Variants in TSHR observed in about 807,000 individuals in gnomAD.
TSHR encodes thyrotropin receptor.
In TSHR, 51 loss-of-function variants were observed where a neutral mutation model predicts 64.1. The observed-to-expected ratio is 0.80, with a 90% CI of 0.64 to 1.01. The LOEUF (loss-of-function observed/expected upper bound fraction) is 1.01, where lower values mean the gene tolerates loss of function less well. Ranked by LOEUF, TSHR falls within the 50% of genes least tolerant of loss-of-function variation. The pLI, the probability that TSHR is intolerant of heterozygous loss-of-function variation, is 0.00. For missense variants in TSHR, 877 were observed against 942.8 expected (o/e 0.93, Z 0.91); for synonymous variants, 361 against 361.9 (o/e 1.00, Z 0.03).
intron 4 of TSHR, among the ~76,000 whole-genome samples, chr14:81,089,123 G>A (rs113813419): frequency 0.031 from 4,590 of 149,442 alleles, 232 homozygotes; most frequent in African/African-American, 0.11. Context: ...GAGTAGCTGG[G>A]ATTACAGGTG....
intron 8 of TSHR, chr14:81,108,912 G>T: frequency 1.4e-6 from 2 of 1,412,326 alleles, no homozygotes; most frequent in Non-Finnish European, 1.8e-6. Flanking sequence ...CATGGGGAAA[G>T]ATGGAATAAA....
chr14:81,063,667 AGC>A (rs1262396315), intron 2 of TSHR, among the ~76,000 whole-genome samples: 1 of 152,148 alleles, frequency 6.6e-6, no homozygotes, highest in African/African-American at 2.4e-5. Flanking sequence ...ATATTTATTG[AGC>A]CCTACTTTGT....
Position 81,068,222 on chromosome 14 carries a change from T to C in TSHR, c.243-32T>C, listed in dbSNP as rs1434721115. On this transcript the variant is annotated intron_variant, in intron 2 of 9. Transcript: ENST00000298171. ...TTGAAGTTTACAACCTTACTAACTT[T>C]CTACTTTGTCTTATATTTTTCTGAC... 6 of 1,606,388 alleles carry C rather than the reference T, an allele frequency of 3.7e-6. No individual in the cohort carries two copies. In the African/African-American group the frequency reaches 6.7e-5, roughly 18 times the overall value.
At chr14:81,142,237 C>T (rs1347033018) in intron 9 of TSHR, among the ~76,000 whole-genome samples, 2 of 152,140 alleles carry the variant, frequency 1.3e-5, no homozygotes, top group Admixed American at 1.3e-4. Context: ...CGTGCCACTA[C>T]GCCTGGCTAA....
intron 7 of TSHR, among the ~76,000 whole-genome samples, chr14:81,099,803 C>G (rs1258773813): frequency 6.6e-6 from 1 of 152,204 alleles, no homozygotes; most frequent in African/African-American, 2.4e-5. Context: ...AAACATCTCA[C>G]TCCTCCTCAT....
chr14:81,049,977 C>A (rs1163490742), intron 1 of TSHR: 2 of 152,092 alleles, frequency 1.3e-5, no homozygotes, highest in East Asian at 3.8e-4. Context: ...TATAGCAGTA[C>A]AAAAACAGAC....
chr14:80,985,205 G>A (rs1246660334), intron 1 of TSHR, among the ~76,000 whole-genome samples: 2 of 152,200 alleles, frequency 1.3e-5, no homozygotes, highest in Non-Finnish European at 2.9e-5. Flanking sequence ...GGCGGAGATC[G>A]CGCCACTGCA....
At chr14:81,064,369 T>C (rs1886453659) in intron 2 of TSHR, among the ~76,000 whole-genome samples, 2 of 152,188 alleles carry the variant, frequency 1.3e-5, no homozygotes, top group Admixed American at 1.3e-4. Context: ...CAGAGAAGTG[T>C]TTTGTATATT....
intron 1 of TSHR, among the ~76,000 whole-genome samples, chr14:81,022,296 A>C (rs959656454): frequency 6.6e-6 from 1 of 152,050 alleles, no homozygotes; most frequent in African/African-American, 2.4e-5. Context: ...CAAACAACAA[A>C]AAAATTACAG....
At chr14:81,117,687 C>A (rs1890582881) in intron 8 of TSHR, among the ~76,000 whole-genome samples, 1 of 98,186 alleles carries the variant, frequency 1.0e-5, no homozygotes, top group Non-Finnish European at 1.9e-5. Flanking sequence ...AGGCCAGCAT[C>A]ATTCTGATAC....
intron 1 of TSHR, among the ~76,000 whole-genome samples, chr14:81,046,154 T>C (rs1163412625): frequency 6.6e-6 from 1 of 152,224 alleles, no homozygotes; most frequent in Non-Finnish European, 1.5e-5. Flanking sequence ...GCCATGTTTT[T>C]ACTTCCATAA....
intron 1 of TSHR, among the ~76,000 whole-genome samples, chr14:80,973,801 A>T (rs1887723986): frequency 6.6e-6 from 1 of 152,214 alleles, no homozygotes; most frequent in Admixed American, 6.5e-5. Context: ...CAATGTGCCA[A>T]GGAAGAAAAT....
intron 1 of TSHR, chr14:80,982,936 T>C: frequency 1.9e-6 from 1 of 526,214 alleles, no homozygotes. Context: ...CAAAATGGAA[T>C]GCTATGTGGA....
At chr14:81,031,145 C>T (rs1405147833) in intron 1 of TSHR, among the ~76,000 whole-genome samples, 2 of 152,124 alleles carry the variant, frequency 1.3e-5, no homozygotes, top group African/African-American at 4.8e-5. Flanking sequence ...AATCTGTTCA[C>T]TCTCCTGCAC....
At chr14:80,957,066 T>C (rs1410494045) in intron 1 of TSHR, among the ~76,000 whole-genome samples, 1 of 152,204 alleles carries the variant, frequency 6.6e-6, no homozygotes, top group Non-Finnish European at 1.5e-5. Context: ...CTCATTTCTC[T>C]AACTTCCCCC....
chr14:81,027,653 T>A (rs914869329), intron 1 of TSHR, among the ~76,000 whole-genome samples: 1 of 152,056 alleles, frequency 6.6e-6, no homozygotes, highest in Non-Finnish European at 1.5e-5. Flanking sequence ...CTTTTTCAAA[T>A]GTGTAAAACG....
At chr14:81,134,134 C>CTTTTTTA (rs1555385373) in intron 8 of TSHR, among the ~76,000 whole-genome samples, 2 of 151,982 alleles carry the variant, frequency 1.3e-5, no homozygotes, top group Non-Finnish European at 2.9e-5. Flanking sequence ...ATTTTTTATT[C>CTTTTTTA]TTTTTTATTT....
intron 6 of TSHR, among the ~76,000 whole-genome samples, chr14:81,094,650 A>G (rs7143259): frequency 0.28 from 40,289 of 145,408 alleles, 9,189 homozygotes; most frequent in African/African-American, 0.63. Flanking sequence ...CAAGTTTTAG[A>G]ATTCTCCTTT....
intron 1 of TSHR, among the ~76,000 whole-genome samples, chr14:80,964,913 C>G (rs113181902): frequency 2.6e-5 from 4 of 152,288 alleles, no homozygotes; most frequent in African/African-American, 9.6e-5. Context: ...GAGACCGTCA[C>G]TAGGACAGTT....
Sources: gnomAD v4.1 joint callset for allele counts (sites outside exome capture counted in the v4.1 genomes callset) on GRCh38, gnomAD v4.1.1 for gene constraint, MANE v1.5 for transcripts, NCBI Gene and HGNC (gene_info 2026-07-23, HGNC 2026-07-21) for gene names.